Variants in MFHAS1 observed in about 807,000 individuals in gnomAD.
MFHAS1 encodes the protein multifunctional ROCO family signaling regulator 1.
A neutral mutation model predicts 70.4 loss-of-function variants in MFHAS1; 50 were observed. The ratio of observed to expected loss-of-function variants is 0.71; its 90% confidence interval spans 0.57 to 0.90. The LOEUF is 0.90. Ranked by LOEUF, MFHAS1 falls within the 40% of genes least tolerant of loss-of-function variation. The pLI, the probability that MFHAS1 is intolerant of heterozygous loss-of-function variation, is 0.00. For missense variants in MFHAS1, 1,795 were observed against 1,347.6 expected (o/e 1.33, Z -5.20); for synonymous variants, 952 against 620.0 (o/e 1.54, Z -7.96).
chr8:8,814,503 A>G (rs1029097364), intron 1 of MFHAS1, among the ~76,000 whole-genome samples: 2 of 152,212 alleles, frequency 1.3e-5, no homozygotes, highest in African/African-American at 4.8e-5. Flanking sequence ...GCAAATTGTT[A>G]AGCAAGGAAT....
At chr8:8,812,900 G>A (rs868344585) in intron 1 of MFHAS1, among the ~76,000 whole-genome samples, 1 of 152,134 alleles carries the variant, frequency 6.6e-6, no homozygotes, top group Non-Finnish European at 1.5e-5. Context: ...CTGAGTAGCT[G>A]GGGTTACAGG....
chr8:8,844,513 T>A (rs376485843), intron 1 of MFHAS1, among the ~76,000 whole-genome samples: 1 of 152,200 alleles, frequency 6.6e-6, no homozygotes, highest in Non-Finnish European at 1.5e-5. Context: ...CAGCTTCTTA[T>A]CTGAAAAGAT....
In MFHAS1 at chr8:8,797,382, C is replaced by T. The variant is rs755493214; in HGVS notation, c.3108G>A (p.Val1036=). The T allele has an allele frequency of 6.2e-7, 1 of 1,614,044 alleles. No homozygotes were observed. Among genetic ancestry groups the T allele is most frequent in the South Asian group, 1.1e-5 (1 of 91,064 alleles). ...VALVYPPTPT[V]ISPCSKKNVG... is the part of the protein sequence containing the mutation. The stretch of plus-strand genomic sequence containing the variant: ...GAACTCACTTGGAACAGGGGCTGAT[C>T]ACAGTCGGCGTGGGTGGGTAAACCA... Residue 1036 remains valine (V), a synonymous_variant, in exon 2 of 3, where the codon GTG becomes GTA. Coordinates refer to ENST00000276282, the MANE Select transcript of MFHAS1 (RefSeq NM_004225.3).
At chr8:8,796,475 A>G (rs1279314964) in intron 2 of MFHAS1, among the ~76,000 whole-genome samples, 2 of 151,998 alleles carry the variant, frequency 1.3e-5, no homozygotes, top group East Asian at 3.9e-4. Flanking sequence ...CGAGGTCAGG[A>G]GATCGAGATC....
intron 1 of MFHAS1, among the ~76,000 whole-genome samples, chr8:8,807,129 G>A (rs908294964): frequency 1.3e-5 from 2 of 152,046 alleles, no homozygotes; most frequent in Non-Finnish European, 2.9e-5. Context: ...TCAGAATGAA[G>A]GTCCCTCTAA....
chr8:8,798,991 T>G (rs867897249), intron 1 of MFHAS1, among the ~76,000 whole-genome samples: 23 of 151,762 alleles, frequency 1.5e-4, no homozygotes, highest in Middle Eastern at 3.4e-3. Context: ...GAGGTTCCAG[T>G]GAGCCCAGAT....
chr8:8,813,930 C>T (rs1457487592), intron 1 of MFHAS1, among the ~76,000 whole-genome samples: 1 of 150,856 alleles, frequency 6.6e-6, no homozygotes, highest in Admixed American at 6.6e-5. Flanking sequence ...GTGTATACCA[C>T]ATTTTTATCT....
At chr8:8,869,404 C>T (rs538238726) in intron 1 of MFHAS1, among the ~76,000 whole-genome samples, 4 of 152,166 alleles carry the variant, frequency 2.6e-5, no homozygotes, top group African/African-American at 7.2e-5. Context: ...ATGCCAAGCA[C>T]GCGACAATCA....
intron 1 of MFHAS1, among the ~76,000 whole-genome samples, chr8:8,804,979 G>C (rs1048250140): frequency 6.6e-6 from 1 of 152,140 alleles, no homozygotes; most frequent in East Asian, 1.9e-4. Context: ...TGAAAGATAG[G>C]AGGGAGAAGG....
At chr8:8,877,445 G>C (rs1294098873) in intron 1 of MFHAS1, among the ~76,000 whole-genome samples, 2 of 152,066 alleles carry the variant, frequency 1.3e-5, no homozygotes, top group South Asian at 2.1e-4. Flanking sequence ...AATGGTAATT[G>C]TGTCAGATCC....
rs534971768 is a variant in MFHAS1, at chr8:8,825,419, T to A, written c.2999-27928A>T. On this transcript the variant is annotated intron_variant, in intron 1 of 2. Transcript: ENST00000276282. ...AACTCCTGATCTCAAGTGATCCATC[T>A]GCCTCAGCCTCCCAAAGTGCTGGGA... 4.6e-5 allele frequency among the ~76,000 whole-genome samples: 7 copies of A among 152,334 alleles called. No homozygotes were observed. In the East Asian group the frequency reaches 1.2e-3, roughly 25 times the overall value.
At chr8:8,843,024 G>T (rs1009818035) in intron 1 of MFHAS1, among the ~76,000 whole-genome samples, 2 of 152,094 alleles carry the variant, frequency 1.3e-5, no homozygotes, top group Non-Finnish European at 2.9e-5. Flanking sequence ...CCAGCACTTT[G>T]GGAGGCCGAG....
chr8:8,883,629 A>T (rs1162414111), intron 1 of MFHAS1, among the ~76,000 whole-genome samples: 1 of 145,854 alleles, frequency 6.9e-6, no homozygotes, highest in Non-Finnish European at 1.5e-5. Flanking sequence ...AATCACTTGA[A>T]CCCAGGAGGT....
At chr8:8,843,283 A>AAAAAAAAAAG (rs1420011223) in intron 1 of MFHAS1, among the ~76,000 whole-genome samples, 1 of 150,878 alleles carries the variant, frequency 6.6e-6, no homozygotes, top group African/African-American at 2.4e-5. Context: ...CTCAAAAAAA[A>AAAAAAAAAAG]AAAAAGAAAG....
intron 2 of MFHAS1, among the ~76,000 whole-genome samples, chr8:8,796,662 C>T (rs1239167482): frequency 2.8e-4 from 28 of 100,266 alleles, no homozygotes; most frequent in South Asian, 7.4e-4. Context: ...CCAGCCTGGG[C>T]GACAGAGCAA....
intron 1 of MFHAS1, among the ~76,000 whole-genome samples, chr8:8,853,665 C>T (rs752710098): frequency 6.6e-5 from 10 of 152,142 alleles, no homozygotes; most frequent in Non-Finnish European, 1.3e-4. Context: ...CTCCAGGGTT[C>T]AAGCGATTCT....
At chr8:8,870,932 T>C (rs1359603806) in intron 1 of MFHAS1, among the ~76,000 whole-genome samples, 4 of 152,224 alleles carry the variant, frequency 2.6e-5, no homozygotes, top group Non-Finnish European at 5.9e-5. Flanking sequence ...TTTTTTTCTT[T>C]TTTTGGTGAC....
At chr8:8,832,681 T>A (rs1267688501) in intron 1 of MFHAS1, among the ~76,000 whole-genome samples, 1 of 140,682 alleles carries the variant, frequency 7.1e-6, no homozygotes, top group East Asian at 2.1e-4. Flanking sequence ...CAGGCTGGAG[T>A]GTGGTGGCTC....
chr8:8,891,919 G>A lies in MFHAS1; in HGVS notation c.1140C>T (p.Pro380=), dbSNP rs1322599498. 6.2e-7 allele frequency: 1 copy of A among 1,610,874 alleles called. No individual in the cohort carries two copies. The highest frequency in any genetic ancestry group is 1.3e-5 in the African/African-American group (1 of 75,008). ...TCCCCTTCATGCAGACCTCGTAGGG[G>A]GGCTGGATCAGTGGGTTGTCTTTGA... is the stretch of plus-strand genomic sequence containing the variant. The part of the protein sequence containing the change: ...WKIKDNPLIQ[P]PYEVCMKGIP... The change falls in exon 1 of 3, where the codon CCC becomes CCT. Residue 380 remains proline (P), a synonymous_variant. Transcript: ENST00000276282. The surrounding 1 kb of genome is among the most constrained non-coding windows in gnomAD (Gnocchi z 5.4).
Sources: gnomAD v4.1 joint callset for allele counts (sites outside exome capture counted in the v4.1 genomes callset) on GRCh38, gnomAD v4.1.1 for gene constraint, Gnocchi (gnomAD v3.1) non-coding constraint, MANE v1.5 for transcripts, NCBI Gene and HGNC (gene_info 2026-07-23, HGNC 2026-07-21) for gene names.